PRIM2: variants seen among roughly 807,000 people sequenced by gnomAD.
The protein encoded by PRIM2 is DNA primase large subunit.
In PRIM2, 39 loss-of-function variants were observed where a neutral mutation model predicts 67.3. That is an observed-to-expected ratio of 0.58 (90% CI 0.45 to 0.76). PRIM2 has a LOEUF of 0.76. Ranked by LOEUF, PRIM2 falls within the 30% of genes least tolerant of loss-of-function variation. PRIM2 has a pLI of 0.00. For missense variants in PRIM2, 398 were observed against 598.7 expected, an observed-to-expected ratio of 0.66 and a Z score of 3.50; for synonymous variants, 143 against 198.7, an observed-to-expected ratio of 0.72 and a Z score of 2.36.
chr6:57,406,518 T>A (rs1179110561), intron 7 of PRIM2, among the ~76,000 whole-genome samples: 6 of 152,148 alleles, frequency 3.9e-5, no homozygotes, highest in Non-Finnish European at 7.4e-5. Context: ...AAGTAGGCAG[T>A]ATATATACTA....
chr6:57,256,697 T>C, the PRIM2 span, among the ~76,000 whole-genome samples: 6 of 134,634 alleles, frequency 4.5e-5, no homozygotes, highest in East Asian at 2.2e-4. Context: ...AGTTTTTCCT[T>C]TCTCTTTCTC....
At chr6:57,343,340 T>C (rs1175267133) in intron 5 of PRIM2, among the ~76,000 whole-genome samples, 1 of 152,214 alleles carries the variant, frequency 6.6e-6, no homozygotes, top group Non-Finnish European at 1.5e-5. Flanking sequence ...ATCCCATGCA[T>C]TGATATACAT....
At chr6:57,237,217 T>G in the PRIM2 span, among the ~76,000 whole-genome samples, 1 of 152,200 alleles carries the variant, frequency 6.6e-6, no homozygotes, top group Non-Finnish European at 1.5e-5. Flanking sequence ...TGTCTTCTTT[T>G]GAGAAGTGTC....
the PRIM2 span, among the ~76,000 whole-genome samples, chr6:57,231,423 T>A: frequency 6.6e-6 from 1 of 152,042 alleles, no homozygotes; most frequent in African/African-American, 2.4e-5. Context: ...AATTACAAAC[T>A]GAGAAAAAAA....
At chr6:57,548,089 T>C (rs1420760710) in intron 10 of PRIM2, among the ~76,000 whole-genome samples, 3 of 152,186 alleles carry the variant, frequency 2.0e-5, no homozygotes, top group Non-Finnish European at 2.9e-5. Context: ...TTTTAACTAC[T>C]ACCCTGTCAT....
At chr6:57,643,181 C>A (rs1232089808) in intron 13 of PRIM2, among the ~76,000 whole-genome samples, 3 of 152,148 alleles carry the variant, frequency 2.0e-5, no homozygotes, top group Admixed American at 2.0e-4. Flanking sequence ...GTATTGCTAA[C>A]TGACAACTTG....
rs1344786781 is a variant in PRIM2 at position 57,551,821 on chromosome 6, G to A, written c.1020+14196G>A. On this transcript the variant is annotated intron_variant, in intron 10 of 13. Transcript: ENST00000615550. ...AGGGAATGCTGTTTAGTGCCTGGATGTGGTTTTAAATAGGGTGGTCATGGA... is the reference window on the plus strand; with the variant it reads ...AGGGAATGCTGTTTAGTGCCTGGATATGGTTTTAAATAGGGTGGTCATGGA... 7.4e-4 allele frequency among the ~76,000 whole-genome samples: 112 copies of A among 152,284 alleles called. 2 individuals carry two copies. In the East Asian group the frequency reaches 0.021, roughly 28 times the overall value.
intron 5 of PRIM2, among the ~76,000 whole-genome samples, chr6:57,373,303 TG>T (rs911411867): frequency 2.0e-5 from 3 of 152,022 alleles, no homozygotes; most frequent in Admixed American, 2.0e-4. Context: ...CACTTTTTAA[TG>T]TTTTTTTTTT....
At chr6:57,594,852 C>A (rs1464054939) in intron 10 of PRIM2, among the ~76,000 whole-genome samples, 3 of 152,100 alleles carry the variant, frequency 2.0e-5, no homozygotes, top group South Asian at 2.1e-4. Context: ...AGTTGATAAG[C>A]CTTTGTTACA....
chr6:57,384,523 A>G (rs1265894226), intron 7 of PRIM2, among the ~76,000 whole-genome samples: 3 of 152,182 alleles, frequency 2.0e-5, no homozygotes, highest in African/African-American at 7.2e-5. Flanking sequence ...TAGTACCTCA[A>G]CATATGATTT....
intron 7 of PRIM2, among the ~76,000 whole-genome samples, chr6:57,402,361 T>G (rs1288690785): frequency 6.6e-6 from 1 of 152,138 alleles, no homozygotes; most frequent in African/African-American, 2.4e-5. Flanking sequence ...GCATGGTGCC[T>G]AGGTCTGGGA....
intron 13 of PRIM2, among the ~76,000 whole-genome samples, chr6:57,642,506 G>A (rs1198345440): frequency 7.7e-6 from 1 of 129,496 alleles, no homozygotes; most frequent in African/African-American, 3.1e-5. Context: ...GCAGTGGCGC[G>A]ATCTCGACTC....
At chr6:57,615,588 A>G (rs1414649803) in intron 12 of PRIM2, among the ~76,000 whole-genome samples, 1 of 152,046 alleles carries the variant, frequency 6.6e-6, no homozygotes, top group Non-Finnish European at 1.5e-5. Flanking sequence ...ATGGTGTGCT[A>G]TGTCCTATTT....
At chr6:57,604,251 C>T (rs1434134837) in intron 11 of PRIM2, among the ~76,000 whole-genome samples, 2 of 152,062 alleles carry the variant, frequency 1.3e-5, no homozygotes, top group Admixed American at 6.6e-5. Context: ...CACCACTCCA[C>T]CAGGTGACAG....
At chr6:57,329,195 G>C (rs1314017795) in intron 5 of PRIM2, among the ~76,000 whole-genome samples, 1 of 151,670 alleles carries the variant, frequency 6.6e-6, no homozygotes, top group Non-Finnish European at 1.5e-5. Context: ...TTGGTATTGA[G>C]TCTAAGAAGT....
chr6:57,451,070 T>C (rs1407570109), intron 7 of PRIM2, among the ~76,000 whole-genome samples: 2 of 152,212 alleles, frequency 1.3e-5, no homozygotes, highest in Non-Finnish European at 2.9e-5. Flanking sequence ...TGAGTTTATG[T>C]ATATTTAATG....
intron 7 of PRIM2, among the ~76,000 whole-genome samples, chr6:57,416,109 G>A (rs59707650): frequency 0.087 from 13,284 of 152,040 alleles, 597 homozygotes; most frequent in South Asian, 0.11. Flanking sequence ...CAGAGGAATC[G>A]CTATCTATAG....
chr6:57,290,751 G>A, the PRIM2 span, among the ~76,000 whole-genome samples: 1 of 152,106 alleles, frequency 6.6e-6, no homozygotes, highest in South Asian at 2.1e-4. Flanking sequence ...CTGAATGACT[G>A]CTGGGTAAAT....
the PRIM2 span, among the ~76,000 whole-genome samples, chr6:57,256,009 G>A: frequency 3.7e-5 from 5 of 133,602 alleles, no homozygotes; most frequent in East Asian, 5.9e-4. Flanking sequence ...ATTTAGACAC[G>A]CACACACACA....
Sources: gnomAD v4.1 joint callset for allele counts (sites outside exome capture counted in the v4.1 genomes callset) on GRCh38, gnomAD v4.1.1 for gene constraint, MANE v1.5 for transcripts, NCBI Gene and HGNC (gene_info 2026-07-23, HGNC 2026-07-21) for gene names.